The following RBFOX3 variants were observed in gnomAD, a reference collection of about 807,000 sequenced individuals.
RBFOX3 encodes RNA binding fox-1 homolog 3, also known as RNA binding protein fox-1 homolog 3.
RBFOX3 carries 17 observed loss-of-function variants against 48.7 expected under a neutral mutation model. The observed-to-expected ratio is 0.35, with a 90% confidence interval of 0.24 to 0.52. The LOEUF is 0.52. Among genes scored for constraint, RBFOX3 ranks in the 20% least tolerant of loss-of-function variants. The probability of loss-of-function intolerance (pLI) is 0.94; values close to 1 mark genes in which losing one functional copy is unlikely to be tolerated. For synonymous variants in RBFOX3, 212 were observed against 209.5 expected (o/e 1.01, Z -0.10); for missense variants, 382 against 497.5 (o/e 0.77, Z 2.21).
At chr17:79,115,956 G>C (rs1010341720) in intron 4 of RBFOX3, among the ~76,000 whole-genome samples, 6 of 152,180 alleles carry the variant, frequency 3.9e-5, no homozygotes, top group Non-Finnish European at 5.9e-5. Context: ...CCTGGCTCTG[G>C]AGTCAGACAC....
intron 3 of RBFOX3, among the ~76,000 whole-genome samples, chr17:79,301,481 C>T (rs1237789627): frequency 3.9e-5 from 6 of 152,246 alleles, no homozygotes; most frequent in East Asian, 3.8e-4. Flanking sequence ...CGCTCAGAGT[C>T]GCCCTGACAA....
chr17:79,164,470 G>GGGGT (rs1186353742), intron 4 of RBFOX3, among the ~76,000 whole-genome samples: 1 of 152,168 alleles, frequency 6.6e-6, no homozygotes, highest in East Asian at 1.9e-4. Flanking sequence ...GACGCTCCTG[G>GGGGT]GGGTGGGCGG....
rs1397056182 is a variant in RBFOX3 at position 79,089,395 on chromosome 17, G to T, written c.*1488C>A. 1 of 152,636 alleles carries T rather than the reference G, an allele frequency of 6.6e-6. No homozygotes were observed. Among genetic ancestry groups the T allele is most frequent in the East Asian group, 1.9e-4 (1 of 5,194 alleles). 9.5% of individuals were successfully genotyped at this position (152,636 alleles called of 1,614,324 possible). A position where few individuals can be genotyped will look rare whatever the true frequency, so the allele number is the denominator to read the frequency against. ...ATTAATAATCTTAATAATACTGTTAGTTTGAATGGTCACACCTTGGAAGCA... is the reference window on the plus strand; with the variant it reads ...ATTAATAATCTTAATAATACTGTTATTTTGAATGGTCACACCTTGGAAGCA... On this transcript the variant is annotated 3_prime_UTR_variant, in exon 15 of 15. Coordinates refer to ENST00000693108, the MANE Select transcript of RBFOX3 (RefSeq NM_001350451.2).
intron 3 of RBFOX3, among the ~76,000 whole-genome samples, chr17:79,287,778 G>A (rs780779526): frequency 2.6e-5 from 4 of 152,180 alleles, no homozygotes; most frequent in Non-Finnish European, 4.4e-5. Context: ...TGGGCTCCCC[G>A]GTCTCAGAAG....
chr17:79,596,412 G>A (rs2093571283), intron 1 of RBFOX3, among the ~76,000 whole-genome samples: 1 of 152,062 alleles, frequency 6.6e-6, no homozygotes, highest in African/African-American at 2.4e-5. Flanking sequence ...CAGAGAGTGT[G>A]CCCAGCACCA....
chr17:79,248,621 A>G (rs1222326564), intron 3 of RBFOX3, among the ~76,000 whole-genome samples: 4 of 152,228 alleles, frequency 2.6e-5, no homozygotes, highest in Admixed American at 6.5e-5. Context: ...CCCATGGGCA[A>G]CTGTGGGCCT....
chr17:79,122,662 C>T (rs1302639359), intron 4 of RBFOX3, among the ~76,000 whole-genome samples: 1 of 152,138 alleles, frequency 6.6e-6, no homozygotes, highest in East Asian at 1.9e-4. Flanking sequence ...TCTCAAAAAA[C>T]TGAAAACAGC....
At chr17:79,294,439 T>C (rs1284195014) in intron 3 of RBFOX3, among the ~76,000 whole-genome samples, 1 of 152,144 alleles carries the variant, frequency 6.6e-6, no homozygotes, top group Non-Finnish European at 1.5e-5. Flanking sequence ...GCCTCCCGAG[T>C]AGCTGGGACT....
intron 2 of RBFOX3, among the ~76,000 whole-genome samples, chr17:79,332,671 C>T (rs1234640425): frequency 6.8e-6 from 1 of 146,084 alleles, no homozygotes; most frequent in African/African-American, 2.7e-5. Context: ...GAGATGGAGA[C>T]AGAGAGACAA....
intron 2 of RBFOX3, among the ~76,000 whole-genome samples, chr17:79,436,657 T>C (rs11871318): frequency 0.77 from 116,989 of 152,074 alleles, 45,448 homozygotes; most frequent in Non-Finnish European, 0.82. Flanking sequence ...AGGGAGCTCC[T>C]GCCTAAGCCC....
intron 2 of RBFOX3, among the ~76,000 whole-genome samples, chr17:79,460,891 C>T (rs2075283964): frequency 6.6e-6 from 1 of 152,202 alleles, no homozygotes; most frequent in African/African-American, 2.4e-5. Flanking sequence ...ACAAATTACC[C>T]AGTCTGTAGT....
intron 1 of RBFOX3, among the ~76,000 whole-genome samples, chr17:79,504,990 A>T (rs1201151621): frequency 2.0e-5 from 3 of 152,156 alleles, no homozygotes; most frequent in Non-Finnish European, 2.9e-5. Context: ...GGGAGATTCT[A>T]GCATTGCCTA....
At position 79,477,909 on chromosome 17, in the gene RBFOX3, C is replaced by A. The variant is rs2078174468; in HGVS notation, c.-175+4545G>T. ...AAGATGCCCCTGTAGGAAGGAGAGA[C>A]CCCAGCAACGTCCTTCAGCTGGGCA... On this transcript the variant is annotated intron_variant, in intron 2 of 14. Transcript: ENST00000693108. This position sits in a 1 kb window ranked among gnomAD's most constrained non-coding sequence, Gnocchi z 4.8. Among the ~76,000 whole-genome samples the A allele has an allele frequency of 6.6e-6, 1 of 152,114 alleles. No homozygotes were observed. The highest frequency in any genetic ancestry group is 1.5e-5 in the Non-Finnish European group (1 of 68,010).
intron 14 of RBFOX3, 137 bp from the exon 15 acceptor site, chr17:79,091,022 G>T: frequency 2.3e-6 from 2 of 863,338 alleles, no homozygotes; most frequent in Non-Finnish European, 1.8e-6. Context: ...AGGTTTCCAG[G>T]ACCCTCATCT....
At chr17:79,332,641 T>G (rs2080512031) in intron 2 of RBFOX3, among the ~76,000 whole-genome samples, 5 of 137,842 alleles carry the variant, frequency 3.6e-5, no homozygotes, top group Admixed American at 6.9e-5. Flanking sequence ...GAGACAGAGA[T>G]GGAGACAGAG....
chr17:79,391,481 T>C lies in RBFOX3; in HGVS notation c.-174-83657A>G, dbSNP rs1371891371. 2.6e-5 allele frequency among the ~76,000 whole-genome samples: 4 copies of C among 152,184 alleles called. No homozygotes were observed. The highest frequency in any genetic ancestry group is 4.8e-5 in the African/African-American group (2 of 41,444). ...ATCATAACATCTTCCTGAATTATTA[T>C]CTAAAATGTCAAGTTCATGACTTGT... is the stretch of plus-strand genomic sequence containing the variant. On this transcript the variant is annotated intron_variant, in intron 2 of 14. Coordinates refer to ENST00000693108, the MANE Select transcript of RBFOX3 (RefSeq NM_001350451.2). The surrounding 1 kb of genome is among the most constrained non-coding windows in gnomAD (Gnocchi z 5.0).
At chr17:79,516,564 C>A (rs2085277017) in intron 1 of RBFOX3, among the ~76,000 whole-genome samples, 1 of 152,242 alleles carries the variant, frequency 6.6e-6, no homozygotes, top group Non-Finnish European at 1.5e-5. Flanking sequence ...AGAGTTCATC[C>A]CCAGAGGAGG....
intron 3 of RBFOX3, among the ~76,000 whole-genome samples, chr17:79,237,377 G>T (rs2061753807): frequency 6.6e-6 from 1 of 152,142 alleles, no homozygotes; most frequent in South Asian, 2.1e-4. Context: ...AACAGCTCTA[G>T]CAGGCAGGTA....
chr17:79,129,370 G>GAGTT (rs1555701297), intron 4 of RBFOX3, among the ~76,000 whole-genome samples: 28 of 146,300 alleles, frequency 1.9e-4, no homozygotes, highest in South Asian at 4.3e-4. Context: ...GGAACCACCT[G>GAGTT]CTGCTACCTG....
Sources: allele counts gnomAD v4.1 joint callset (sites outside exome capture counted in the v4.1 genomes callset), GRCh38; gene constraint gnomAD v4.1.1; non-coding constraint Gnocchi (gnomAD v3.1); transcripts MANE v1.5; gene names NCBI Gene and HGNC (gene_info 2026-07-23, HGNC 2026-07-21).